ARHGAP24: variants seen among roughly 807,000 people sequenced by gnomAD.
ARHGAP24 encodes the protein Rho GTPase activating protein 24.
A neutral mutation model predicts 76.4 loss-of-function variants in ARHGAP24; 50 were observed. The observed-to-expected ratio is 0.65, with a 90% CI of 0.52 to 0.83. The LOEUF (loss-of-function observed/expected upper bound fraction) is 0.83. Among genes scored for constraint, ARHGAP24 ranks in the 40% least tolerant of loss-of-function variants. The pLI is 0.00. For synonymous variants in ARHGAP24, 345 were observed against 323.3 expected (o/e 1.07, Z -0.72); for missense variants, 930 against 914.2 (o/e 1.02, Z -0.22).
At chr4:85,772,751 A>G (rs1727178053) in intron 3 of ARHGAP24, among the ~76,000 whole-genome samples, 1 of 152,226 alleles carries the variant, frequency 6.6e-6, no homozygotes. Flanking sequence ...TATGTATTGA[A>G]TCTCATATTT....
At chr4:85,959,733 G>T (rs544349176) in intron 5 of ARHGAP24, among the ~76,000 whole-genome samples, 5 of 152,126 alleles carry the variant, frequency 3.3e-5, no homozygotes, top group African/African-American at 1.2e-4. Flanking sequence ...GGAATTGCTG[G>T]GTCATATCTA....
chr4:85,876,536 C>T (rs1732947560), intron 3 of ARHGAP24, among the ~76,000 whole-genome samples: 1 of 152,168 alleles, frequency 6.6e-6, no homozygotes, highest in Non-Finnish European at 1.5e-5. Context: ...CTCCTCTTCC[C>T]TCAAGGGTCT....
intron 3 of ARHGAP24, among the ~76,000 whole-genome samples, chr4:85,917,064 C>T (rs1422771805): frequency 1.3e-5 from 2 of 152,068 alleles, no homozygotes; most frequent in East Asian, 3.9e-4. Context: ...CTTCCCCCCT[C>T]CCTCCACCCC....
At chr4:85,700,862 C>T (rs1724058350) in intron 2 of ARHGAP24, among the ~76,000 whole-genome samples, 1 of 152,070 alleles carries the variant, frequency 6.6e-6, no homozygotes, top group South Asian at 2.1e-4. Flanking sequence ...GGTATATTTT[C>T]CTTTATATAG....
chr4:85,920,529 T>G (rs1735663270), intron 3 of ARHGAP24, among the ~76,000 whole-genome samples: 1 of 152,014 alleles, frequency 6.6e-6, no homozygotes, highest in Non-Finnish European at 1.5e-5. Flanking sequence ...TATTGACAAA[T>G]GGGATCTAAT....
chr4:85,655,960 A>G (rs1446883200), intron 2 of ARHGAP24, among the ~76,000 whole-genome samples: 1 of 152,022 alleles, frequency 6.6e-6, no homozygotes, highest in Non-Finnish European at 1.5e-5. Flanking sequence ...TCAGCAACTG[A>G]TAAGTCACCT....
intron 8 of ARHGAP24, chr4:85,991,259 AAATAC>A (rs1740303172): frequency 6.6e-6 from 1 of 152,170 alleles, no homozygotes; most frequent in South Asian, 2.1e-4. Flanking sequence ...TGGCTGCTAG[AAATAC>A]AAAATGTTAG....
chr4:85,781,453 C>G (rs1160382736), intron 3 of ARHGAP24, among the ~76,000 whole-genome samples: 1 of 152,032 alleles, frequency 6.6e-6, no homozygotes, highest in Non-Finnish European at 1.5e-5. Context: ...TAAGCTGAGT[C>G]CAGGGCAATT....
intron 3 of ARHGAP24, among the ~76,000 whole-genome samples, chr4:85,862,804 T>A (rs148556286): frequency 6.6e-6 from 1 of 152,198 alleles, no homozygotes; most frequent in African/African-American, 2.4e-5. Context: ...TTTCTCACGT[T>A]TAGTTCATTC....
Position 85,918,565 on chromosome 4 carries a change from G to T in ARHGAP24, c.269-5083G>T, listed in dbSNP as rs531597287. 9.2e-5 allele frequency among the ~76,000 whole-genome samples: 14 copies of T among 151,760 alleles called. No individual in the cohort carries two copies. In the South Asian group the frequency reaches 2.9e-3, roughly 32 times the overall value. On this transcript the variant is annotated intron_variant, in intron 3 of 9. Transcript: ENST00000395184. ...AATTAACTATGCATTATTTTATGTTGATTTCTTTAACCTACCTTTTAATTT... is the reference window on the plus strand; with the variant it reads ...AATTAACTATGCATTATTTTATGTTTATTTCTTTAACCTACCTTTTAATTT...
At chr4:85,615,736 T>A (rs1560553788) in intron 2 of ARHGAP24, among the ~76,000 whole-genome samples, 1 of 152,316 alleles carries the variant, frequency 6.6e-6, no homozygotes, top group Non-Finnish European at 1.5e-5. Context: ...TTATACAGAC[T>A]GTAGTATGAA....
chr4:85,702,156 T>C (rs1724115656), intron 2 of ARHGAP24, among the ~76,000 whole-genome samples: 1 of 152,168 alleles, frequency 6.6e-6, no homozygotes, highest in African/African-American at 2.4e-5. Flanking sequence ...ACACATGTAA[T>C]AAAGCTTCTC....
chr4:85,915,568 C>T (rs1735336553), intron 3 of ARHGAP24, among the ~76,000 whole-genome samples: 1 of 152,100 alleles, frequency 6.6e-6, no homozygotes, highest in African/African-American at 2.4e-5. Context: ...TATCCCTCCC[C>T]TAGCCCCCCA....
intron 2 of ARHGAP24, among the ~76,000 whole-genome samples, chr4:85,644,431 A>G (rs1007880466): frequency 2.0e-5 from 3 of 152,188 alleles, no homozygotes; most frequent in Admixed American, 6.5e-5. Flanking sequence ...AAAGAGTAAT[A>G]CCATATTACA....
In ARHGAP24 at chr4:85,704,161, G is replaced by GT. The variant is rs35348918; in HGVS notation, c.181-17715dup. Among the ~76,000 whole-genome samples the GT allele has an allele frequency of 1.3e-3, 204 of 151,530 alleles. 2 individuals carry two copies. The highest frequency in any genetic ancestry group is 0.011 in the East Asian group (59 of 5,154). On this transcript the variant is annotated intron_variant, in intron 2 of 9. Coordinates refer to ENST00000395184, the MANE Select transcript of ARHGAP24 (RefSeq NM_001025616.3). Reference sequence around the variant, plus strand: ...CAATTCAATTGTATGCATATATACAGTTTTTTTTTGTCCAGTTAGTTGCTG... The same window carrying GT: ...CAATTCAATTGTATGCATATATACAGTTTTTTTTTTGTCCAGTTAGTTGCTG...
At chr4:85,931,990 C>CA (rs148282724) in intron 4 of ARHGAP24, among the ~76,000 whole-genome samples, 11,325 of 148,786 alleles carry the variant, frequency 0.076, 1,099 homozygotes, top group African/African-American at 0.23. Context: ...TAGTAACTAA[C>CA]AAAAAAAAAT....
At chr4:85,519,094 C>T (rs1233473521) in intron 1 of ARHGAP24, among the ~76,000 whole-genome samples, 2 of 152,044 alleles carry the variant, frequency 1.3e-5, no homozygotes, top group African/African-American at 4.8e-5. Context: ...CAAATCAAAA[C>T]CACAATGTGA....
chr4:85,782,674 G>C (rs550030512), intron 3 of ARHGAP24, among the ~76,000 whole-genome samples: 22 of 152,252 alleles, frequency 1.4e-4, no homozygotes, highest in African/African-American at 5.3e-4. Context: ...AGAGATAAAT[G>C]CTTTGTTCTT....
At chr4:85,482,467 A>T (rs1452969962) in intron 1 of ARHGAP24, among the ~76,000 whole-genome samples, 1 of 152,114 alleles carries the variant, frequency 6.6e-6, no homozygotes, top group Non-Finnish European at 1.5e-5. Flanking sequence ...GGTAGAAGCC[A>T]TGGGAACTGC....
Sources: allele counts gnomAD v4.1 joint callset (sites outside exome capture counted in the v4.1 genomes callset), GRCh38; gene constraint gnomAD v4.1.1; transcripts MANE v1.5; gene names NCBI Gene and HGNC (gene_info 2026-07-23, HGNC 2026-07-21).